Variants in BRAF observed in about 807,000 individuals in gnomAD.
The protein encoded by BRAF is B-Raf proto-oncogene, serine/threonine kinase.
Under a neutral mutation model 104.6 loss-of-function variants are expected in BRAF, and 16 were observed. That is an observed-to-expected ratio of 0.15 (90% CI 0.10 to 0.23). BRAF has a LOEUF of 0.23. BRAF is among the 10% of genes least tolerant of loss of function. The probability of loss-of-function intolerance (pLI) is 1.00; values close to 1 mark genes in which losing one functional copy is unlikely to be tolerated. For synonymous variants in BRAF, 310 were observed against 341.6 expected (o/e 0.91, Z 1.02); for missense variants, 541 against 937.3 (o/e 0.58, Z 5.52).
intron 1 of BRAF, among the ~76,000 whole-genome samples, chr7:140,923,635 GAA>G (rs1818508699): frequency 6.6e-6 from 1 of 152,200 alleles, no homozygotes; most frequent in African/African-American, 2.4e-5. Flanking sequence ...GTGCAAGCGC[GAA>G]AAGAGCCAAG....
At chr7:140,844,277 G>A (rs977573549) in intron 2 of BRAF, among the ~76,000 whole-genome samples, 2 of 151,984 alleles carry the variant, frequency 1.3e-5, no homozygotes, top group African/African-American at 2.4e-5. Context: ...TAAATTTCTG[G>A]CTATTGTATT....
At chr7:140,827,056 A>G (rs577872737) in intron 3 of BRAF, among the ~76,000 whole-genome samples, 1 of 152,268 alleles carries the variant, frequency 6.6e-6, no homozygotes, top group East Asian at 1.9e-4. Flanking sequence ...TTGTTTCCTC[A>G]TGGTGCTTAC....
intron 2 of BRAF, among the ~76,000 whole-genome samples, chr7:140,842,009 A>G (rs986165573): frequency 6.6e-6 from 1 of 152,322 alleles, no homozygotes; most frequent in African/African-American, 2.4e-5. Flanking sequence ...ACAAGATACA[A>G]TGAAATCTTA....
chr7:140,875,523 C>T (rs1204629775), intron 1 of BRAF, among the ~76,000 whole-genome samples: 2 of 152,124 alleles, frequency 1.3e-5, no homozygotes, highest in African/African-American at 4.8e-5. Context: ...TTATAGGTGC[C>T]CGCGAACACG....
Position 140,807,945 on chromosome 7 carries a change from T to A in BRAF, c.711+15A>T. 6.3e-7 allele frequency: 1 copy of A among 1,585,938 alleles called. No individual in the cohort carries two copies. On this transcript the variant is annotated intron_variant, in intron 5 of 19. Transcript: ENST00000644969. ...ACATTTTTGACATTTCAAAAAAAAA[T>A]GTAAAGATACATACAAAGTTGTGTG...
At position 140,727,706 on chromosome 7, in the gene BRAF, T is replaced by C. The variant is rs1410131809; in HGVS notation, c.2402-1190A>G. Among the ~76,000 whole-genome samples, 3 of 152,032 alleles carry C rather than the reference T, an allele frequency of 2.0e-5. No homozygotes were observed. The East Asian group carries it at 5.8e-4, about 29-fold the overall frequency. On this transcript the variant is annotated intron_variant, in intron 19 of 19. Coordinates refer to ENST00000644969, the MANE Select transcript of BRAF (RefSeq NM_001374258.1). ...TGCGATCTCGGCTCACTGCAAGCCC[T>C]GCCTCCTGGGCTCATGCCATTCTCC... is the stretch of plus-strand genomic sequence containing the variant.
chr7:140,876,919 A>G (rs1389100707), intron 1 of BRAF, among the ~76,000 whole-genome samples: 1 of 152,186 alleles, frequency 6.6e-6, no homozygotes, highest in African/African-American at 2.4e-5. Flanking sequence ...ACAAGCTTAA[A>G]AAAAAACCAC....
chr7:140,901,165 A>C (rs1334981460), intron 1 of BRAF, among the ~76,000 whole-genome samples: 2 of 152,260 alleles, frequency 1.3e-5, no homozygotes, highest in Non-Finnish European at 2.9e-5. Context: ...AAACTAATTA[A>C]AGTTTGTATG....
intron 2 of BRAF, among the ~76,000 whole-genome samples, chr7:140,848,667 A>G (rs929092470): frequency 6.6e-6 from 1 of 152,234 alleles, no homozygotes; most frequent in Admixed American, 6.5e-5. Context: ...ATTAATAAAA[A>G]ATTGCCATTC....
chr7:140,814,017 T>C (rs1804565191), intron 3 of BRAF, among the ~76,000 whole-genome samples: 2 of 152,176 alleles, frequency 1.3e-5, no homozygotes, highest in Non-Finnish European at 2.9e-5. Flanking sequence ...TATGAAAGTA[T>C]AACCTGTGTA....
intron 1 of BRAF, among the ~76,000 whole-genome samples, chr7:140,908,998 T>A (rs1563031537): frequency 1.3e-5 from 2 of 151,908 alleles, no homozygotes; most frequent in Non-Finnish European, 2.9e-5. Flanking sequence ...TCTTTTTTTT[T>A]TTTTTTTTTT....
chr7:140,764,107 G>C (rs1410281914), intron 14 of BRAF, among the ~76,000 whole-genome samples: 1 of 152,178 alleles, frequency 6.6e-6, no homozygotes, highest in African/African-American at 2.4e-5. Context: ...CCATGATCAA[G>C]TGGGCTTCAT....
chr7:140,913,737 CTTTCAAAG>C (rs1312212365), intron 1 of BRAF, among the ~76,000 whole-genome samples: 1 of 152,112 alleles, frequency 6.6e-6, no homozygotes, highest in East Asian at 1.9e-4. Context: ...CCGCCAGGGC[CTTTCAAAG>C]TGCTGGGATT....
chr7:140,821,768 G>A (rs949483277), intron 3 of BRAF, among the ~76,000 whole-genome samples: 6 of 151,946 alleles, frequency 3.9e-5, no homozygotes, highest in Non-Finnish European at 7.4e-5. Context: ...ATCATTCTAC[G>A]AAAAAACCAC....
chr7:140,748,450 T>C lies in BRAF; in HGVS notation c.2112+837A>G, dbSNP rs1199169422. 3.3e-5 allele frequency among the ~76,000 whole-genome samples: 5 copies of C among 152,150 alleles called. No individual in the cohort carries two copies. In the South Asian group the frequency reaches 1.0e-3, roughly 32 times the overall value. ...CCATTTAATTACAATCTGCTCCAGT[T>C]TCTCCATTTTTAAGCAAAATTTCCA... On this transcript the variant is annotated intron_variant, in intron 17 of 19. Transcript: ENST00000644969.
chr7:140,849,646 A>G (rs559163035), intron 2 of BRAF, among the ~76,000 whole-genome samples: 2 of 151,880 alleles, frequency 1.3e-5, no homozygotes, highest in Admixed American at 1.3e-4. Flanking sequence ...CCCCATCTCT[A>G]CTAAAAATAG....
At chr7:140,780,156 T>C (rs1457376948) in intron 12 of BRAF, among the ~76,000 whole-genome samples, 1 of 152,156 alleles carries the variant, frequency 6.6e-6, no homozygotes, top group Non-Finnish European at 1.5e-5. Flanking sequence ...TGACATTATA[T>C]GTTATTAGGC....
At chr7:140,788,325 T>C (rs1801604260) in intron 8 of BRAF, among the ~76,000 whole-genome samples, 1 of 152,206 alleles carries the variant, frequency 6.6e-6, no homozygotes, top group Non-Finnish European at 1.5e-5. Context: ...TGCAACATTA[T>C]CCATCATACT....
chr7:140,895,907 G>A (rs866673422), intron 1 of BRAF, among the ~76,000 whole-genome samples: 22 of 152,072 alleles, frequency 1.4e-4, no homozygotes, highest in South Asian at 2.1e-4. Flanking sequence ...TCTCTTCGAC[G>A]TACTGACTTC....
Sources: allele counts gnomAD v4.1 joint callset (sites outside exome capture counted in the v4.1 genomes callset), GRCh38; gene constraint gnomAD v4.1.1; transcripts MANE v1.5; gene names NCBI Gene and HGNC (gene_info 2026-07-23, HGNC 2026-07-21).